PLCL2: variants seen among roughly 807,000 people sequenced by gnomAD.
PLCL2 encodes the protein phospholipase C like 2, also known as inactive phospholipase C-like protein 2.
In PLCL2, 4 loss-of-function variants were observed where a neutral mutation model predicts 79.6. The observed-to-expected ratio is 0.05, with a 90% confidence interval of 0.02 to 0.11. The LOEUF (loss-of-function observed/expected upper bound fraction) is 0.11. Among genes scored for constraint, PLCL2 ranks in the 10% least tolerant of loss-of-function variants. The pLI is 1.00. For missense variants in PLCL2, 895 were observed against 1,291.0 expected, an observed-to-expected ratio of 0.69 and a Z score of 4.70; for synonymous variants, 484 against 457.7, an observed-to-expected ratio of 1.06 and a Z score of -0.73.
In PLCL2 at chr3:17,059,588, A is replaced by G. The variant is rs184739566; in HGVS notation, c.3095-8368A>G. Among the ~76,000 whole-genome samples the G allele has an allele frequency of 8.7e-3, 1,316 of 152,108 alleles. 21 individuals are homozygous for G. The highest frequency in any genetic ancestry group is 0.03 in the African/African-American group (1,256 of 41,476). ...AGATCTTACATGCATATATAGATAT[A>G]TAGATATAGATAGTTGTAAAAGCAA... is the stretch of plus-strand genomic sequence containing the variant. On this transcript the variant is annotated intron_variant, in intron 4 of 5. Transcript: ENST00000615277.
At chr3:17,059,520 A>T (rs1357576879) in intron 4 of PLCL2, among the ~76,000 whole-genome samples, 3 of 151,704 alleles carry the variant, frequency 2.0e-5, no homozygotes, top group African/African-American at 7.3e-5. Flanking sequence ...ACACATATAC[A>T]TATATATACT....
chr3:17,070,006 A>G (rs1184259944), intron 5 of PLCL2, among the ~76,000 whole-genome samples: 2 of 152,196 alleles, frequency 1.3e-5, no homozygotes, highest in Admixed American at 6.5e-5. Context: ...AACTCAAGAA[A>G]ATATATCACA....
chr3:17,063,492 T>C (rs1478732993), intron 4 of PLCL2, among the ~76,000 whole-genome samples: 1 of 151,132 alleles, frequency 6.6e-6, no homozygotes, highest in Non-Finnish European at 1.5e-5. Flanking sequence ...AATCTGAAAA[T>C]GTCTGTGGCT....
intron 1 of PLCL2, among the ~76,000 whole-genome samples, chr3:16,902,103 T>G (rs1217862156): frequency 6.6e-6 from 1 of 152,190 alleles, no homozygotes; most frequent in Non-Finnish European, 1.5e-5. Context: ...CCCCCAGCCA[T>G]CTCACTACAA....
At chr3:16,987,076 A>G (rs2064057733) in intron 1 of PLCL2, among the ~76,000 whole-genome samples, 1 of 151,270 alleles carries the variant, frequency 6.6e-6, no homozygotes, top group African/African-American at 2.4e-5. Flanking sequence ...CTGTACCTTC[A>G]TTATTTTATT....
At chr3:17,082,884 A>C (rs978445104) in intron 5 of PLCL2, among the ~76,000 whole-genome samples, 2 of 152,218 alleles carry the variant, frequency 1.3e-5, no homozygotes, top group Admixed American at 1.3e-4. Flanking sequence ...TAATATATAT[A>C]TAATGCCAAG....
intron 1 of PLCL2, among the ~76,000 whole-genome samples, chr3:16,890,593 AAT>A (rs1696323240): frequency 6.6e-6 from 1 of 152,236 alleles, no homozygotes; most frequent in African/African-American, 2.4e-5. Context: ...CTTCCTTCTT[AAT>A]ACTAAGTTTT....
chr3:16,965,139 T>A (rs1310530823), intron 1 of PLCL2, among the ~76,000 whole-genome samples: 1 of 152,348 alleles, frequency 6.6e-6, no homozygotes, highest in African/African-American at 2.4e-5. Flanking sequence ...TCTTCTAGGA[T>A]TTTTATGATT....
intron 1 of PLCL2, among the ~76,000 whole-genome samples, chr3:16,915,378 A>G (rs939168756): frequency 3.9e-5 from 6 of 152,182 alleles, no homozygotes; most frequent in Non-Finnish European, 7.4e-5. Context: ...TTCACTGTAC[A>G]CTGATATTTA....
intron 1 of PLCL2, among the ~76,000 whole-genome samples, chr3:17,008,115 A>G (rs902038333): frequency 6.6e-6 from 1 of 152,156 alleles, no homozygotes; most frequent in African/African-American, 2.4e-5. Flanking sequence ...CTTTAGAAAT[A>G]AGTGCTGCCT....
chr3:16,969,589 C>A (rs572271117), intron 1 of PLCL2, among the ~76,000 whole-genome samples: 14 of 151,954 alleles, frequency 9.2e-5, no homozygotes, highest in African/African-American at 3.4e-4. Flanking sequence ...GTGATTATAT[C>A]CCCTTTGTCA....
intron 4 of PLCL2, among the ~76,000 whole-genome samples, chr3:17,045,829 G>A (rs1472518072): frequency 6.6e-6 from 1 of 152,204 alleles, no homozygotes; most frequent in Non-Finnish European, 1.5e-5. Context: ...CTCCTCGTCT[G>A]AGATAATACA....
At chr3:16,966,553 C>T (rs2063808664) in intron 1 of PLCL2, among the ~76,000 whole-genome samples, 1 of 152,106 alleles carries the variant, frequency 6.6e-6, no homozygotes, top group East Asian at 1.9e-4. Flanking sequence ...AGGGAGGATA[C>T]CTTCTTTTTC....
In PLCL2 at chr3:16,944,581, A is replaced by G. The variant is rs2063583190; in HGVS notation, c.327+59215A>G. On this transcript the variant is annotated intron_variant, in intron 1 of 5. Coordinates refer to ENST00000615277, the MANE Select transcript of PLCL2 (RefSeq NM_001144382.2). Reference sequence around the variant, plus strand: ...GGGAGATTAGCACAGGCACACAGAGATAAACAGACCATGTGAAGACACAGA... The same window carrying G: ...GGGAGATTAGCACAGGCACACAGAGGTAAACAGACCATGTGAAGACACAGA... 2.0e-5 allele frequency among the ~76,000 whole-genome samples: 3 copies of G among 152,316 alleles called. No individual in the cohort carries two copies. The East Asian group carries it at 5.8e-4, about 29-fold the overall frequency.
chr3:16,948,428 A>G (rs1246823641), intron 1 of PLCL2, among the ~76,000 whole-genome samples: 1 of 152,196 alleles, frequency 6.6e-6, no homozygotes, highest in Non-Finnish European at 1.5e-5. Flanking sequence ...GGTGATAAAA[A>G]TGTACTAAAA....
intron 1 of PLCL2, among the ~76,000 whole-genome samples, chr3:16,971,028 T>C (rs1490160260): frequency 6.6e-6 from 1 of 152,224 alleles, no homozygotes; most frequent in Non-Finnish European, 1.5e-5. Flanking sequence ...TTCACTCTGA[T>C]GGTAGTTTCT....
chr3:16,987,978 G>T (rs1179489692), intron 1 of PLCL2, among the ~76,000 whole-genome samples: 1 of 152,116 alleles, frequency 6.6e-6, no homozygotes, highest in Non-Finnish European at 1.5e-5. Flanking sequence ...GATTTTGATG[G>T]TAAAAATATA....
chr3:16,966,000 AC>A (rs1287240917), intron 1 of PLCL2, among the ~76,000 whole-genome samples: 2 of 152,056 alleles, frequency 1.3e-5, no homozygotes, highest in East Asian at 3.8e-4. Flanking sequence ...CTAATTGAAT[AC>A]CCTTTATTTC....
intron 3 of PLCL2, among the ~76,000 whole-genome samples, chr3:17,023,767 G>A (rs1267501476): frequency 6.6e-6 from 1 of 152,150 alleles, no homozygotes; most frequent in East Asian, 1.9e-4. Context: ...GTGGGAACCT[G>A]AGCAAAAATC....
Sources: allele counts gnomAD v4.1 joint callset (sites outside exome capture counted in the v4.1 genomes callset), GRCh38; gene constraint gnomAD v4.1.1; transcripts MANE v1.5; gene names NCBI Gene and HGNC (gene_info 2026-07-23, HGNC 2026-07-21).